BMP5: variants seen among roughly 807,000 people sequenced by gnomAD.
BMP5 encodes the protein bone morphogenetic protein 5.
A neutral mutation model predicts 46.6 loss-of-function variants in BMP5; 23 were observed. That is an observed-to-expected ratio of 0.49 (90% CI 0.35 to 0.70). The LOEUF is 0.70. BMP5 is among the 30% of genes least tolerant of loss of function. BMP5 has a pLI of 0.00. For missense variants in BMP5, 545 were observed against 565.6 expected (o/e 0.96, Z 0.37); for synonymous variants, 204 against 191.9 (o/e 1.06, Z -0.52).
chr6:55,874,523 C>G lies in BMP5; in HGVS notation c.343G>C (p.Gly115Arg). 1 of 1,613,370 alleles carries G rather than the reference C, an allele frequency of 6.2e-7. No homozygotes were observed. Among genetic ancestry groups the G allele is most frequent in the South Asian group, 1.1e-5 (1 of 91,072 alleles). Residue 115 changes from glycine to arginine, a missense_variant, in exon 1 of 7, where the codon GGA (glycine) becomes CGA (arginine). By Grantham distance (125) the Gly-to-Arg change is moderately radical. Coordinates refer to ENST00000370830, the MANE Select transcript of BMP5 (RefSeq NM_021073.4). ...LAEETRGARK[G>R]YPASPNGYPR... ...TACCCATTGGGAGAGGCTGGGTATC[C>G]CTTTCTTGCCCCTCTGGTCTCTTCT...
At chr6:55,766,317 C>T (rs1404844946) in intron 4 of BMP5, among the ~76,000 whole-genome samples, 1 of 151,910 alleles carries the variant, frequency 6.6e-6, no homozygotes, top group South Asian at 2.1e-4. Context: ...GTTGATGTTC[C>T]CCAAGGAGGC....
At chr6:55,843,688 C>A (rs557114860) in intron 1 of BMP5, among the ~76,000 whole-genome samples, 7 of 152,022 alleles carry the variant, frequency 4.6e-5, no homozygotes, top group Non-Finnish European at 7.4e-5. Context: ...ATAGGAGAAA[C>A]TTTCTGGTAT....
At position 55,755,043 on chromosome 6, in the gene BMP5, C is replaced by G. The variant is rs1432679818; in HGVS notation, c.*490G>C. 1 of 152,692 alleles carries G rather than the reference C, an allele frequency of 6.5e-6. No individual in the cohort carries two copies. Among genetic ancestry groups the G allele is most frequent in the African/African-American group, 2.4e-5 (1 of 41,404 alleles). The allele number at this position is 152,692 out of a possible 1,614,324, so 9.5% of individuals were successfully genotyped here. On this transcript the variant is annotated 3_prime_UTR_variant, in exon 7 of 7. Coordinates refer to ENST00000370830, the MANE Select transcript of BMP5 (RefSeq NM_021073.4). ...CACTTTATCTAATGAAGCAGGAACT[C>G]TAAAAGAGAAATTGTGTTTATCCAA...
At chr6:55,853,409 C>G (rs941437863) in intron 1 of BMP5, among the ~76,000 whole-genome samples, 1 of 147,090 alleles carries the variant, frequency 6.8e-6, no homozygotes, top group African/African-American at 2.5e-5. Flanking sequence ...TTATTGCATG[C>G]CATTAATCTC....
chr6:55,755,304 T>G lies in BMP5; in HGVS notation c.*229A>C. On this transcript the variant is annotated 3_prime_UTR_variant, in exon 7 of 7. Transcript: ENST00000370830. The stretch of plus-strand genomic sequence containing the variant: ...GAAAATTATACTAGATGATCTATTG[T>G]ATAATGTAGTGGCCTATGAAATAGA... The G allele has an allele frequency of 2.2e-6, 1 of 453,170 alleles. No homozygotes were observed. The highest frequency in any genetic ancestry group is 4.0e-6 in the Non-Finnish European group (1 of 252,102). 28.1% of individuals were successfully genotyped at this position (453,170 alleles called of 1,614,324 possible). A position where few individuals can be genotyped will look rare whatever the true frequency, so the allele number is the denominator to read the frequency against.
chr6:55,795,494 C>A (rs113087876), intron 2 of BMP5, among the ~76,000 whole-genome samples: 88 of 152,096 alleles, frequency 5.8e-4, no homozygotes, highest in African/African-American at 2.1e-3. Flanking sequence ...TACTATTTTA[C>A]TGCATTTTCT....
At chr6:55,842,048 A>T (rs1776974097) in intron 1 of BMP5, among the ~76,000 whole-genome samples, 1 of 152,128 alleles carries the variant, frequency 6.6e-6, no homozygotes, top group Non-Finnish European at 1.5e-5. Context: ...ATTGATCGTG[A>T]CTTTACAACA....
chr6:55,760,389 G>A (rs997741001), intron 5 of BMP5, 68 bp downstream of exon 5: 78 of 1,422,804 alleles, frequency 5.5e-5, no homozygotes, highest in Admixed American at 8.4e-5. Flanking sequence ...TACTGCCAAA[G>A]ACTATGACTT....
At chr6:55,796,744 T>C (rs1168118674) in intron 2 of BMP5, among the ~76,000 whole-genome samples, 2 of 149,586 alleles carry the variant, frequency 1.3e-5, no homozygotes, top group Admixed American at 6.7e-5. Flanking sequence ...AGTGAGAATA[T>C]GCGGTGTTTG....
chr6:55,853,755 T>G (rs943981884), intron 1 of BMP5, among the ~76,000 whole-genome samples: 1 of 152,198 alleles, frequency 6.6e-6, no homozygotes, highest in Non-Finnish European at 1.5e-5. Flanking sequence ...TGTAGAGAAC[T>G]GCTGGTTATA....
intron 1 of BMP5, among the ~76,000 whole-genome samples, chr6:55,862,833 C>T (rs1777554414): frequency 1.3e-5 from 2 of 152,168 alleles, no homozygotes; most frequent in Admixed American, 1.3e-4. Context: ...TACCTTTGCT[C>T]CAGTCTTTTT....
At chr6:55,809,047 T>C (rs577873245) in intron 2 of BMP5, among the ~76,000 whole-genome samples, 1 of 152,264 alleles carries the variant, frequency 6.6e-6, no homozygotes, top group East Asian at 1.9e-4. Flanking sequence ...TTACTTAATA[T>C]TAGAAAAAAA....
At chr6:55,771,377 T>C (rs534318773) in intron 4 of BMP5, among the ~76,000 whole-genome samples, 2 of 151,982 alleles carry the variant, frequency 1.3e-5, no homozygotes, top group African/African-American at 4.8e-5. Context: ...ACAGGAAATA[T>C]CTTCCACAAT....
chr6:55,794,692 T>C (rs1775662933), intron 2 of BMP5, among the ~76,000 whole-genome samples: 1 of 152,174 alleles, frequency 6.6e-6, no homozygotes. Context: ...TAAACTGACT[T>C]AGTGCTCTTA....
intron 6 of BMP5, among the ~76,000 whole-genome samples, chr6:55,756,467 A>G (rs3798848): frequency 0.43 from 64,570 of 151,784 alleles, 13,870 homozygotes; most frequent in Middle Eastern, 0.57. Context: ...AATTTTGATC[A>G]GACTGGCAGT....
chr6:55,847,422 G>C (rs1777124106), intron 1 of BMP5, among the ~76,000 whole-genome samples: 1 of 151,890 alleles, frequency 6.6e-6, no homozygotes, highest in Admixed American at 6.6e-5. Context: ...ATCTTACAAA[G>C]TAATGTAGGC....
At chr6:55,849,422 T>C (rs998960159) in intron 1 of BMP5, among the ~76,000 whole-genome samples, 2 of 151,998 alleles carry the variant, frequency 1.3e-5, no homozygotes, top group Non-Finnish European at 2.9e-5. Flanking sequence ...CATAAGATGA[T>C]TGAGGAAGAA....
At chr6:55,790,360 A>C (rs1042089521) in intron 3 of BMP5, among the ~76,000 whole-genome samples, 1 of 152,166 alleles carries the variant, frequency 6.6e-6, no homozygotes, top group Admixed American at 6.6e-5. Flanking sequence ...CACTGAGGGT[A>C]CAAGTGCGAA....
At chr6:55,830,265 CA>C (rs1478217346) in intron 1 of BMP5, among the ~76,000 whole-genome samples, 1 of 151,996 alleles carries the variant, frequency 6.6e-6, no homozygotes, top group East Asian at 1.9e-4. Flanking sequence ...ATAAAGAAAT[CA>C]CATGATCTTC....
Sources: gnomAD v4.1 joint callset for allele counts (sites outside exome capture counted in the v4.1 genomes callset) on GRCh38, gnomAD v4.1.1 for gene constraint, MANE v1.5 for transcripts, NCBI Gene and HGNC (gene_info 2026-07-23, HGNC 2026-07-21) for gene names.